Variants in NOL10 observed in about 807,000 individuals in gnomAD.
NOL10 encodes the protein nucleolar protein 10.
In NOL10, 58 loss-of-function variants were observed where a neutral mutation model predicts 103.5. The ratio of observed to expected loss-of-function variants is 0.56; its 90% CI spans 0.45 to 0.70. NOL10 has a LOEUF of 0.70. NOL10 is among the 30% of genes least tolerant of loss of function. The pLI, the probability that NOL10 is intolerant of heterozygous loss-of-function variation, is 0.00. For synonymous variants in NOL10, 287 were observed against 282.5 expected, an observed-to-expected ratio of 1.02 and a Z score of -0.16; for missense variants, 763 against 807.3, an observed-to-expected ratio of 0.95 and a Z score of 0.67.
intron 6 of NOL10, among the ~76,000 whole-genome samples, chr2:10,669,464 T>A (rs1276353262): frequency 3.5e-5 from 3 of 85,230 alleles, no homozygotes; most frequent in Admixed American, 1.3e-4. Flanking sequence ...TATTTTTATT[T>A]TTTATATATA....
intron 13 of NOL10, among the ~76,000 whole-genome samples, chr2:10,629,921 A>T (rs913105170): frequency 6.6e-6 from 1 of 152,174 alleles, no homozygotes; most frequent in Non-Finnish European, 1.5e-5. Context: ...CTGAGTAGCT[A>T]AAACTACAAA....
At chr2:10,604,010 A>G (rs10191883) in intron 14 of NOL10, among the ~76,000 whole-genome samples, 90,002 of 152,122 alleles carry the variant, frequency 0.59, 27,644 homozygotes, top group African/African-American at 0.74. Context: ...AGGGAGGGAC[A>G]GTTTCAGGAC....
intron 13 of NOL10, among the ~76,000 whole-genome samples, chr2:10,636,591 C>G (rs1022111640): frequency 6.8e-6 from 1 of 146,218 alleles, no homozygotes; most frequent in African/African-American, 2.6e-5. Flanking sequence ...CCCTGGGAGA[C>G]AGAGTGCGAC....
At chr2:10,601,744 G>C (rs1298209560) in intron 16 of NOL10, among the ~76,000 whole-genome samples, 2 of 152,170 alleles carry the variant, frequency 1.3e-5, no homozygotes, top group African/African-American at 4.8e-5. Flanking sequence ...AGCTCAGGTC[G>C]AGGCTGCAGT....
At chr2:10,594,934 C>T (rs1477697734) in intron 17 of NOL10, among the ~76,000 whole-genome samples, 1 of 152,084 alleles carries the variant, frequency 6.6e-6, no homozygotes, top group Non-Finnish European at 1.5e-5. Context: ...GAGACTGAGG[C>T]TGCAGTAAGC....
chr2:10,637,557 C>G (rs573944635), intron 13 of NOL10, among the ~76,000 whole-genome samples: 1 of 152,138 alleles, frequency 6.6e-6, no homozygotes, highest in Non-Finnish European at 1.5e-5. Context: ...CTCACCTCTG[C>G]GGGGAGTGTG....
chr2:10,588,736 T>C (rs866581714), intron 19 of NOL10, among the ~76,000 whole-genome samples: 3 of 152,218 alleles, frequency 2.0e-5, no homozygotes, highest in Non-Finnish European at 2.9e-5. Context: ...AGTGTTCCAC[T>C]GATACTCATA....
At chr2:10,665,882 A>C (rs1182306753) in intron 8 of NOL10, among the ~76,000 whole-genome samples, 2 of 152,242 alleles carry the variant, frequency 1.3e-5, no homozygotes, top group African/African-American at 4.8e-5. Flanking sequence ...CTTTTTTTAA[A>C]ATACAACTTC....
chr2:10,620,106 T>C (rs1055209187), intron 13 of NOL10, among the ~76,000 whole-genome samples: 4 of 152,220 alleles, frequency 2.6e-5, no homozygotes, highest in Non-Finnish European at 4.4e-5. Context: ...GATCTTGTTT[T>C]GTCATTTTAT....
intron 17 of NOL10, among the ~76,000 whole-genome samples, chr2:10,597,450 G>A (rs972383835): frequency 6.6e-6 from 1 of 152,198 alleles, no homozygotes; most frequent in East Asian, 1.9e-4. Flanking sequence ...GTTCAAAGGC[G>A]AGACTAATGA....
At chr2:10,594,811 T>G (rs1384148459) in intron 17 of NOL10, among the ~76,000 whole-genome samples, 2 of 151,808 alleles carry the variant, frequency 1.3e-5, no homozygotes, top group Admixed American at 1.3e-4. Flanking sequence ...GACAACACAG[T>G]GAGACCTCAG....
chr2:10,676,630 C>T (rs1681326691), intron 3 of NOL10, among the ~76,000 whole-genome samples: 2 of 148,800 alleles, frequency 1.3e-5, no homozygotes, highest in South Asian at 4.4e-4. Context: ...GTAACTTTGG[C>T]ACTTTGTCTT....
chr2:10,604,429 C>T (rs986360943), intron 14 of NOL10, among the ~76,000 whole-genome samples: 3 of 152,096 alleles, frequency 2.0e-5, no homozygotes, highest in Non-Finnish European at 4.4e-5. Flanking sequence ...TTAGGATATT[C>T]TCATAACGGA....
rs1449186878 is a variant in NOL10, at chr2:10,587,332, G to A, written c.1844+1711C>T. ...TGTTGCCAGACTGGAGTGCAGTGGC[G>A]TGATCTCAGCTCACTGCAACCTCTG... On this transcript the variant is annotated intron_variant, in intron 19 of 20. Coordinates refer to ENST00000381685, the MANE Select transcript of NOL10 (RefSeq NM_024894.4). Among the ~76,000 whole-genome samples, 9 of 139,958 alleles carry A rather than the reference G, an allele frequency of 6.4e-5. No homozygotes were observed. The East Asian group carries it at 1.3e-3, about 19-fold the overall frequency. The allele number at this position is 139,958 out of a possible 152,430, so 91.8% of individuals were successfully genotyped here.
intron 13 of NOL10, among the ~76,000 whole-genome samples, chr2:10,615,268 C>T (rs1327917923): frequency 6.6e-6 from 1 of 152,082 alleles, no homozygotes; most frequent in East Asian, 1.9e-4. Flanking sequence ...AAAAGAAAAA[C>T]TATTACCTGC....
At chr2:10,647,231 T>C (rs1379188715) in intron 12 of NOL10, among the ~76,000 whole-genome samples, 1 of 151,968 alleles carries the variant, frequency 6.6e-6, no homozygotes, top group East Asian at 1.9e-4. Context: ...GACAAAATAG[T>C]GCCCTCCCCA....
chr2:10,647,854 G>A (rs148947978), intron 12 of NOL10, among the ~76,000 whole-genome samples: 19 of 152,332 alleles, frequency 1.2e-4, no homozygotes, highest in African/African-American at 4.3e-4. Flanking sequence ...TGTAAGGCAG[G>A]TGAGAATTCC....
Position 10,603,091 on chromosome 2 carries a change from C to T in NOL10, c.1220G>A (p.Arg407Lys). 6.2e-7 allele frequency: 1 copy of T among 1,608,966 alleles called. No individual in the cohort carries two copies. Among genetic ancestry groups the T allele is most frequent in the Non-Finnish European group, 8.5e-7 (1 of 1,177,088 alleles). The part of the protein sequence containing the change: ...AYMHGFFMDI[R>K]LYHKVKLMVN... ...TTTTCTGTTTACCTTGTGATAGAGT[C>T]TTATATCCATGAAAAACCCATGCAT... The change falls in exon 15 of 21, where the codon AGA becomes AAA. Residue 407 changes from arginine (R) to lysine (K), a missense_variant. Arg to Lys is a conservative substitution (Grantham distance 26). Transcript: ENST00000381685.
chr2:10,617,068 A>G (rs1275493555), intron 13 of NOL10, among the ~76,000 whole-genome samples: 1 of 152,222 alleles, frequency 6.6e-6, no homozygotes, highest in Non-Finnish European at 1.5e-5. Flanking sequence ...GAAACTACAA[A>G]CAAGGGAGAG....
Sources: gnomAD v4.1 joint callset for allele counts (sites outside exome capture counted in the v4.1 genomes callset) on GRCh38, gnomAD v4.1.1 for gene constraint, MANE v1.5 for transcripts, NCBI Gene and HGNC (gene_info 2026-07-23, HGNC 2026-07-21) for gene names.